The following AMOTL1 variants were observed in gnomAD, a reference collection of about 807,000 sequenced individuals.
AMOTL1 encodes the protein angiomotin like 1.
In AMOTL1, 45 loss-of-function variants were observed where a neutral mutation model predicts 102.9. That is an observed-to-expected ratio of 0.44 (90% CI 0.34 to 0.56). The LOEUF is 0.56. Among genes scored for constraint, AMOTL1 ranks in the 20% least tolerant of loss-of-function variants. The probability of loss-of-function intolerance (pLI) is 0.01; values close to 1 mark genes in which losing one functional copy is unlikely to be tolerated. For missense variants in AMOTL1, 1,114 were observed against 1,225.6 expected (o/e 0.91, Z 1.36); for synonymous variants, 481 against 484.7 (o/e 0.99, Z 0.10).
chr11:94,754,622 A>C (rs1367260876), intron 3 of AMOTL1, among the ~76,000 whole-genome samples: 1 of 152,090 alleles, frequency 6.6e-6, no homozygotes, highest in Non-Finnish European at 1.5e-5. Flanking sequence ...TTCCATCCTT[A>C]TCAGTATTGC....
Position 94,799,326 on chromosome 11 carries a change from T to C in AMOTL1, c.200-64T>C. The stretch of plus-strand genomic sequence containing the variant: ...GTTAGAATGTTAATTATGTACCACA[T>C]AGTCACAGACATATATCTCCTGTGG... On this transcript the variant is annotated intron_variant, in intron 2 of 12. Coordinates refer to ENST00000433060, the MANE Select transcript of AMOTL1 (RefSeq NM_130847.3). This position sits in a 1 kb window ranked among gnomAD's most constrained non-coding sequence, Gnocchi z 4.5. The C allele has an allele frequency of 3.1e-6, 4 of 1,284,772 alleles. No homozygotes were observed. The highest frequency in any genetic ancestry group is 4.2e-6 in the Non-Finnish European group (4 of 941,954). The allele number at this position is 1,284,772 out of a possible 1,614,324, so 79.6% of individuals were successfully genotyped here.
At chr11:94,744,536 C>T (rs1950567148) in intron 3 of AMOTL1, among the ~76,000 whole-genome samples, 1 of 152,154 alleles carries the variant, frequency 6.6e-6, no homozygotes, top group Non-Finnish European at 1.5e-5. Context: ...CAGTCCCTTT[C>T]CCCTCCCCAG....
chr11:94,740,194 G>T, intron 2 of AMOTL1: 1 of 152,498 alleles, frequency 6.6e-6, no homozygotes, highest in Non-Finnish European at 1.5e-5. Context: ...GAGGGGATTG[G>T]GGGGCATTTG....
At chr11:94,788,303 G>A (rs552020722) in intron 1 of AMOTL1, among the ~76,000 whole-genome samples, 1 of 152,266 alleles carries the variant, frequency 6.6e-6, no homozygotes, top group East Asian at 1.9e-4. Context: ...AACATGTTAG[G>A]AAAATAATGT....
chr11:94,739,376 T>C (rs1032059706), intron 2 of AMOTL1, among the ~76,000 whole-genome samples: 1 of 152,256 alleles, frequency 6.6e-6, no homozygotes, highest in East Asian at 1.9e-4. Flanking sequence ...GTTGGAGAGA[T>C]AGGCTCAGCA....
chr11:94,745,722 G>A (rs1379695773), intron 3 of AMOTL1, among the ~76,000 whole-genome samples: 2 of 152,126 alleles, frequency 1.3e-5, no homozygotes, highest in African/African-American at 4.8e-5. Flanking sequence ...TATTGAATGT[G>A]CTTGGAATTC....
chr11:94,828,806 T>C (rs1213065512), intron 4 of AMOTL1, among the ~76,000 whole-genome samples: 2 of 152,150 alleles, frequency 1.3e-5, no homozygotes, highest in African/African-American at 2.4e-5. Flanking sequence ...ATTGCTGTCT[T>C]ATGGAAGGAC....
intron 6 of AMOTL1, among the ~76,000 whole-genome samples, chr11:94,840,146 A>G (rs919111173): frequency 3.3e-5 from 5 of 152,248 alleles, no homozygotes; most frequent in Non-Finnish European, 7.3e-5. Context: ...TGTGAAATCA[A>G]ACTTTATTCT....
intron 8 of AMOTL1, among the ~76,000 whole-genome samples, chr11:94,858,285 G>A (rs1041511441): frequency 2.0e-5 from 3 of 152,166 alleles, no homozygotes; most frequent in African/African-American, 7.2e-5. Context: ...GGACAGGTAT[G>A]CCCTTCTGCT....
chr11:94,801,662 G>C (rs1052511598), intron 3 of AMOTL1, among the ~76,000 whole-genome samples: 3 of 152,250 alleles, frequency 2.0e-5, no homozygotes, highest in Admixed American at 1.3e-4. Context: ...TGTGCTAAGA[G>C]AGGTAGGGAA....
At chr11:94,788,738 A>T (rs1951234971) in intron 1 of AMOTL1, among the ~76,000 whole-genome samples, 1 of 152,236 alleles carries the variant, frequency 6.6e-6, no homozygotes, top group Non-Finnish European at 1.5e-5. Flanking sequence ...ACTCACAGTG[A>T]TCTCTTGGAC....
At chr11:94,792,108 G>A (rs1008042209) in intron 1 of AMOTL1, among the ~76,000 whole-genome samples, 3 of 152,154 alleles carry the variant, frequency 2.0e-5, no homozygotes, top group Non-Finnish European at 2.9e-5. Context: ...AAGAAAATGT[G>A]GCACATATAC....
Position 94,870,906 on chromosome 11 carries a change from G to A in AMOTL1, c.*111G>A. ...TGGGAAATCAGGAATGATTTGAACT[G>A]ATAAAGATTTCAGACTCATAAGAAC... is the stretch of plus-strand genomic sequence containing the variant. On this transcript the variant is annotated 3_prime_UTR_variant, in exon 13 of 13. Transcript: ENST00000433060. The A allele has an allele frequency of 1.2e-6, 1 of 834,452 alleles. No homozygotes were observed. Among genetic ancestry groups the A allele is most frequent in the Non-Finnish European group, 1.8e-6 (1 of 557,132 alleles). 51.7% of individuals were successfully genotyped at this position (834,452 alleles called of 1,614,324 possible).
At chr11:94,749,320 A>G (rs1950623623) in intron 3 of AMOTL1, among the ~76,000 whole-genome samples, 1 of 151,962 alleles carries the variant, frequency 6.6e-6, no homozygotes. Flanking sequence ...GCTCTTGAAG[A>G]GACAGCAAGG....
chr11:94,721,792 TTTAAAA>T (rs1950178003), intron 1 of AMOTL1, among the ~76,000 whole-genome samples: 1 of 152,136 alleles, frequency 6.6e-6, no homozygotes, highest in African/African-American at 2.4e-5. Context: ...TATTAGAATA[TTTAAAA>T]TTATATATGC....
intron 9 of AMOTL1, among the ~76,000 whole-genome samples, chr11:94,861,985 C>T (rs1431334138): frequency 6.6e-5 from 10 of 152,254 alleles, no homozygotes; most frequent in Admixed American, 5.9e-4. Flanking sequence ...TCTTATCCTC[C>T]GTGCAAGGGG....
chr11:94,772,175 G>C (rs1478896785), intron 1 of AMOTL1, among the ~76,000 whole-genome samples: 1 of 152,042 alleles, frequency 6.6e-6, no homozygotes, highest in African/African-American at 2.4e-5. Flanking sequence ...AATTGACATT[G>C]GTACAGTCCA....
intron 1 of AMOTL1, among the ~76,000 whole-genome samples, chr11:94,711,056 C>T (rs1950016430): frequency 6.6e-6 from 1 of 152,156 alleles, no homozygotes; most frequent in African/African-American, 2.4e-5. Context: ...GATGCTACCA[C>T]TTTGGTAGGT....
rs1413666982 is a variant in AMOTL1 at position 94,873,824 on chromosome 11, A to G, written c.*3029A>G. On this transcript the variant is annotated 3_prime_UTR_variant, in exon 13 of 13. Transcript: ENST00000433060. ...ACACACACACACACAGCTATCACACATCTCAGAGCCTAAGAAATAGGACTA... is the reference window on the plus strand; with the variant it reads ...ACACACACACACACAGCTATCACACGTCTCAGAGCCTAAGAAATAGGACTA... 6.7e-6 allele frequency: 1 copy of G among 148,304 alleles called. No individual in the cohort carries two copies. Among genetic ancestry groups the G allele is most frequent in the Non-Finnish European group, 1.5e-5 (1 of 67,468 alleles). The allele number at this position is 148,304 out of a possible 1,614,324, so 9.2% of individuals were successfully genotyped here.
Sources: gnomAD v4.1 joint callset for allele counts (sites outside exome capture counted in the v4.1 genomes callset) on GRCh38, gnomAD v4.1.1 for gene constraint, Gnocchi (gnomAD v3.1) non-coding constraint, MANE v1.5 for transcripts, NCBI Gene and HGNC (gene_info 2026-07-23, HGNC 2026-07-21) for gene names.